Variants in ATP5MG observed in about 807,000 individuals in gnomAD.
ATP5MG encodes ATP synthase membrane subunit g.
Under a neutral mutation model 12.7 loss-of-function variants are expected in ATP5MG, and 7 were observed. The ratio of observed to expected loss-of-function variants is 0.55; its 90% CI spans 0.31 to 1.04. The LOEUF (loss-of-function observed/expected upper bound fraction) is 1.04, where lower values mean the gene tolerates loss of function less well. ATP5MG is among the 50% of genes least tolerant of loss of function. The pLI, the probability that ATP5MG is intolerant of heterozygous loss-of-function variation, is 0.05. For synonymous variants in ATP5MG, 53 were observed against 48.2 expected, an observed-to-expected ratio of 1.10 and a Z score of -0.41; for missense variants, 116 against 126.7, an observed-to-expected ratio of 0.92 and a Z score of 0.41.
In ATP5MG at chr11:118,401,725, C is replaced by T. The variant is rs372042897; in HGVS notation, c.52+8C>T. 2.7e-5 allele frequency: 43 copies of T among 1,610,522 alleles called. No individual in the cohort carries two copies. In the Middle Eastern group the frequency reaches 5.0e-4, roughly 19 times the overall value. ...CCCCGGCGCTGGTGAACGGTGAGCG[C>T]GATGTGAGACCGCCGAGGCGGGCAC... On this transcript the variant is annotated splice_region_variant and intron_variant, in intron 1 of 2. Coordinates refer to ENST00000300688, the MANE Select transcript of ATP5MG (RefSeq NM_006476.5).
At position 118,409,195 on chromosome 11, in the gene ATP5MG, C is replaced by A; in HGVS notation, c.*97C>A. On this transcript the variant is annotated 3_prime_UTR_variant, in exon 3 of 3. Coordinates refer to ENST00000300688, the MANE Select transcript of ATP5MG (RefSeq NM_006476.5). ...GCTATCTGAATAAAATAAGATTTGTCAAAACTCAGTGTTTTCTCCATCAGA... is the reference window on the plus strand; with the variant it reads ...GCTATCTGAATAAAATAAGATTTGTAAAAACTCAGTGTTTTCTCCATCAGA... 2.6e-6 allele frequency: 2 copies of A among 762,712 alleles called. No homozygotes were observed. Among genetic ancestry groups the A allele is most frequent in the South Asian group, 2.4e-5 (1 of 41,038 alleles). The allele number at this position is 762,712 out of a possible 1,614,324, so 47.2% of individuals were successfully genotyped here. A position where few individuals can be genotyped will look rare whatever the true frequency, so the allele number is the denominator to read the frequency against.
intron 1 of ATP5MG, among the ~76,000 whole-genome samples, chr11:118,403,454 C>T (rs1948946493): frequency 1.3e-5 from 2 of 151,754 alleles, no homozygotes; most frequent in South Asian, 4.1e-4. Flanking sequence ...CAGGATTGCA[C>T]CACTGCATTC....
At chr11:118,405,009 C>T (rs1203481349) in intron 1 of ATP5MG, among the ~76,000 whole-genome samples, 3 of 152,104 alleles carry the variant, frequency 2.0e-5, no homozygotes, top group South Asian at 2.1e-4. Context: ...TTTGACATAC[C>T]GCCTCCCTTT....
At position 118,409,498 on chromosome 11, in the gene ATP5MG, T is replaced by C. The variant is rs1555132761; in HGVS notation, c.*400T>C. Reference sequence around the variant, plus strand: ...ATGCCAAAGTGATAGAGATGAATCATGTCAGTAGTTAGAATAACATTTCAA... The same window carrying C: ...ATGCCAAAGTGATAGAGATGAATCACGTCAGTAGTTAGAATAACATTTCAA... On this transcript the variant is annotated 3_prime_UTR_variant, in exon 3 of 3. Transcript: ENST00000300688. 1 of 152,504 alleles carries C rather than the reference T, an allele frequency of 6.6e-6. No individual in the cohort carries two copies. Among genetic ancestry groups the C allele is most frequent in the Non-Finnish European group, 1.5e-5 (1 of 68,244 alleles). The allele number at this position is 152,504 out of a possible 1,614,324, so 9.4% of individuals were successfully genotyped here. A position where few individuals can be genotyped will look rare whatever the true frequency, so the allele number is the denominator to read the frequency against.
At chr11:118,408,970 G>A (rs201237955) in intron 2 of ATP5MG, 30 bp from the exon 3 acceptor site, 6 of 1,006,168 alleles carry the variant, frequency 6.0e-6, no homozygotes, top group South Asian at 1.5e-5. Context: ...TATATAAAAG[G>A]TACCTTAAAA....
chr11:118,406,176 T>C (rs1172674309), intron 1 of ATP5MG: 1 of 152,198 alleles, frequency 6.6e-6, no homozygotes, highest in Non-Finnish European at 1.5e-5. Context: ...TTATAATTTT[T>C]TAAATAAAAA....
Position 118,407,366 on chromosome 11 carries a change from C to T in ATP5MG, c.213+269C>T, listed in dbSNP as rs151332630. ...TTTATTGGGAAATTTTTTTTCCTTT[C>T]CTATATTAGATAGTATACTAAAATA... is the stretch of plus-strand genomic sequence containing the variant. On this transcript the variant is annotated intron_variant, in intron 2 of 2. Coordinates refer to ENST00000300688, the MANE Select transcript of ATP5MG (RefSeq NM_006476.5). 1,145 of 409,720 alleles carry T rather than the reference C, an allele frequency of 2.8e-3. 12 individuals are homozygous for T. The highest frequency in any genetic ancestry group is 0.021 in the African/African-American group (1,037 of 49,202). 25.4% of individuals were successfully genotyped at this position (409,720 alleles called of 1,614,324 possible).
At chr11:118,405,620 C>CT (rs1173528853) in intron 1 of ATP5MG, 1 of 977,918 alleles carries the variant, frequency 1.0e-6, no homozygotes, top group African/African-American at 1.8e-5. Flanking sequence ...TTGACTTATA[C>CT]AAGATTGTGC....
At chr11:118,402,034 G>T in intron 1 of ATP5MG, 1 of 359,854 alleles carries the variant, frequency 2.8e-6, no homozygotes, top group Non-Finnish European at 5.1e-6. Flanking sequence ...GCTAAGAGCA[G>T]GGATCTAGAG....
chr11:118,402,696 CT>C (rs782335353), intron 1 of ATP5MG, among the ~76,000 whole-genome samples: 1,613 of 128,170 alleles, frequency 0.013, 12 homozygotes, highest in Non-Finnish European at 0.017. Flanking sequence ...TTCTTTCTTT[CT>C]TTTTTTTTTT....
chr11:118,403,573 A>G (rs1242454955), intron 1 of ATP5MG, among the ~76,000 whole-genome samples: 1 of 152,112 alleles, frequency 6.6e-6, no homozygotes, highest in Non-Finnish European at 1.5e-5. Context: ...AGGCAGGTGG[A>G]TTACCTGAGG....
In ATP5MG at chr11:118,405,336, G is replaced by A. The variant is rs556562035; in HGVS notation, c.53-1601G>A. ...TCTGTGTATATATTAAGCTAAACCT[G>A]AGTCCAACTCTAACCCAGTACTGTG... On this transcript the variant is annotated intron_variant, in intron 1 of 2. Coordinates refer to ENST00000300688, the MANE Select transcript of ATP5MG (RefSeq NM_006476.5). 2.6e-4 allele frequency among the ~76,000 whole-genome samples: 39 copies of A among 152,158 alleles called. No homozygotes were observed. In the South Asian group the frequency reaches 7.9e-3, roughly 31 times the overall value.
rs1454078887 is a variant in ATP5MG, at chr11:118,409,565, C to T, written c.*467C>T. ...AATCACAGAAAGACCCTATTGACAACATCTATGTCTGTAAAAATGTTAGAG... is the reference window on the plus strand; with the variant it reads ...AATCACAGAAAGACCCTATTGACAATATCTATGTCTGTAAAAATGTTAGAG... On this transcript the variant is annotated 3_prime_UTR_variant, in exon 3 of 3. Coordinates refer to ENST00000300688, the MANE Select transcript of ATP5MG (RefSeq NM_006476.5). 1 of 152,402 alleles carries T rather than the reference C, an allele frequency of 6.6e-6. No individual in the cohort carries two copies. The highest frequency in any genetic ancestry group is 2.1e-4 in the South Asian group (1 of 4,830). 9.4% of individuals were successfully genotyped at this position (152,402 alleles called of 1,614,324 possible).
chr11:118,404,872 T>G (rs1284264105), intron 1 of ATP5MG, among the ~76,000 whole-genome samples: 1 of 152,264 alleles, frequency 6.6e-6, no homozygotes, highest in Non-Finnish European at 1.5e-5. Context: ...TCCATTTATT[T>G]ATCCAGTCAC....
rs1948996428 is a variant in ATP5MG, at chr11:118,409,110, T to C, written c.*12T>C. On this transcript the variant is annotated 3_prime_UTR_variant, in exon 3 of 3. Transcript: ENST00000300688. ...GCTATGATGTTTGAAGACCAATCTT[T>C]AACATCTGATTATATTTGATTTATT... 1 of 1,552,068 alleles carries C rather than the reference T, an allele frequency of 6.4e-7. No homozygotes were observed. Among genetic ancestry groups the C allele is most frequent in the Non-Finnish European group, 8.8e-7 (1 of 1,134,606 alleles).
At chr11:118,404,233 A>G (rs544322634) in intron 1 of ATP5MG, among the ~76,000 whole-genome samples, 9 of 152,362 alleles carry the variant, frequency 5.9e-5, no homozygotes, top group Admixed American at 2.0e-4. Flanking sequence ...GCTTATGGAA[A>G]TAAGTAAATT....
intron 1 of ATP5MG, chr11:118,404,012 A>C (rs781950837): frequency 6.6e-6 from 1 of 152,224 alleles, no homozygotes; most frequent in African/African-American, 2.4e-5. Context: ...GAAATATATA[A>C]TATGAACCCT....
intron 2 of ATP5MG, among the ~76,000 whole-genome samples, chr11:118,408,102 C>G (rs1408868364): frequency 1.3e-5 from 2 of 151,762 alleles, no homozygotes; most frequent in African/African-American, 4.8e-5. Context: ...GCGGAGCTTG[C>G]AGTGAGCCGA....
intron 1 of ATP5MG, chr11:118,405,765 C>T: frequency 1.1e-6 from 1 of 950,598 alleles, no homozygotes; most frequent in Non-Finnish European, 1.3e-6. Context: ...CAGAAATACT[C>T]AAATGGAGGC....
Sources: gnomAD v4.1 joint callset for allele counts (sites outside exome capture counted in the v4.1 genomes callset) on GRCh38, gnomAD v4.1.1 for gene constraint, MANE v1.5 for transcripts, NCBI Gene and HGNC (gene_info 2026-07-23, HGNC 2026-07-21) for gene names.